SLC36A1: variants seen among roughly 807,000 people sequenced by gnomAD.
The protein encoded by SLC36A1 is solute carrier family 36 member 1.
In SLC36A1, 30 loss-of-function variants were observed where a neutral mutation model predicts 47.5. The observed-to-expected ratio is 0.63, with a 90% CI of 0.47 to 0.86. The LOEUF is 0.86. Among genes scored for constraint, SLC36A1 ranks in the 40% least tolerant of loss-of-function variants. The probability of loss-of-function intolerance (pLI) is 0.00; values close to 1 mark genes in which losing one functional copy is unlikely to be tolerated. For missense variants in SLC36A1, 517 were observed against 606.0 expected, an observed-to-expected ratio of 0.85 and a Z score of 1.54; for synonymous variants, 255 against 249.7, an observed-to-expected ratio of 1.02 and a Z score of -0.20.
chr5:151,514,180 A>G, the SLC36A1 span, among the ~76,000 whole-genome samples: 6 of 152,230 alleles, frequency 3.9e-5, no homozygotes, highest in Non-Finnish European at 8.8e-5. Context: ...AAAAGGAGAC[A>G]CTATTATTAG....
the SLC36A1 span, chr5:151,505,628 G>A: frequency 1.2e-6 from 2 of 1,614,122 alleles, no homozygotes; most frequent in Non-Finnish European, 1.7e-6. Context: ...CCTCATAGTT[G>A]GGGGGCACCC....
chr5:151,467,841 C>G lies in SLC36A1; in HGVS notation c.639C>G (p.Asn213Lys). ...TGGTGCTGCTGGTTTTCATCAGGAACCTCCGAGCCCTGTCCATCTTCTCCC... is the reference window on the plus strand; with the variant it reads ...TGGTGCTGCTGGTTTTCATCAGGAAGCTCCGAGCCCTGTCCATCTTCTCCC... The part of the protein sequence containing the change: ...PFLVLLVFIR[N>K]LRALSIFSLL... Residue 213 changes from asparagine (N) to lysine (K), a missense_variant, in exon 7 of 11, where the codon AAC becomes AAG. Asn to Lys is a moderately conservative substitution (Grantham distance 94, BLOSUM62 0). Coordinates refer to ENST00000243389, the MANE Select transcript of SLC36A1 (RefSeq NM_078483.4). The G allele has an allele frequency of 6.2e-7, 1 of 1,614,034 alleles. No individual in the cohort carries two copies. The highest frequency in any genetic ancestry group is 8.5e-7 in the Non-Finnish European group (1 of 1,179,992).
chr5:151,529,420 A>G, the SLC36A1 span: 96 of 1,606,272 alleles, frequency 6.0e-5, 1 homozygote, highest in Middle Eastern at 6.0e-4. Flanking sequence ...GACAGCAGCA[A>G]TGAGGCAGTT....
upstream of SLC36A1, among the ~76,000 whole-genome samples, chr5:151,442,912 G>A (rs961066070): frequency 6.6e-6 from 1 of 151,944 alleles, no homozygotes; most frequent in African/African-American, 2.4e-5. Flanking sequence ...TTCTTTCTGT[G>A]TCTGGCTTAT....
chr5:151,484,145 C>G (rs1759198748), intron 10 of SLC36A1, among the ~76,000 whole-genome samples: 1 of 152,192 alleles, frequency 6.6e-6, no homozygotes, highest in Admixed American at 6.5e-5. Flanking sequence ...CTCTCTGACT[C>G]CACTTAACTA....
At chr5:151,367,157 G>GA in the SLC36A1 span, among the ~76,000 whole-genome samples, 1 of 152,160 alleles carries the variant, frequency 6.6e-6, no homozygotes, top group Admixed American at 6.5e-5. Flanking sequence ...TGCACGTATT[G>GA]TCTTGATAAA....
At chr5:151,531,707 C>A in the SLC36A1 span, 1 of 1,613,840 alleles carries the variant, frequency 6.2e-7, no homozygotes, top group Non-Finnish European at 8.5e-7. The surrounding 1 kb of genome is among the most constrained non-coding windows in gnomAD (Gnocchi z 5.7). Flanking sequence ...CCAGGTGGGG[C>A]GTCCTCGGGC....
the SLC36A1 span, among the ~76,000 whole-genome samples, chr5:151,398,615 CTG>C: frequency 6.6e-6 from 1 of 152,200 alleles, no homozygotes; most frequent in Non-Finnish European, 1.5e-5. Context: ...TGTTCATGAT[CTG>C]TGATTCTGTG....
chr5:151,528,350 C>G, the SLC36A1 span, among the ~76,000 whole-genome samples: 1 of 152,164 alleles, frequency 6.6e-6, no homozygotes, highest in Admixed American at 6.5e-5. Context: ...CTCTTGCTAA[C>G]AGCATGCTAG....
At chr5:151,442,033 C>T (rs1292863817) in intron 1 of SLC36A1, among the ~76,000 whole-genome samples, 1 of 151,922 alleles carries the variant, frequency 6.6e-6, no homozygotes, top group Admixed American at 6.5e-5. Context: ...AAATATTTTC[C>T]TAATGTCTTT....
At chr5:151,352,325 A>G in the SLC36A1 span, among the ~76,000 whole-genome samples, 32 of 152,314 alleles carry the variant, frequency 2.1e-4, no homozygotes, top group South Asian at 6.2e-3. Context: ...AGCTCCATGA[A>G]AGTGGGAAGT....
chr5:151,441,067 T>C (rs138468511), intron 1 of SLC36A1, among the ~76,000 whole-genome samples: 74 of 152,308 alleles, frequency 4.9e-4, no homozygotes, highest in Non-Finnish European at 8.2e-4. Flanking sequence ...ACCCAGAATT[T>C]GCATTTCTGC....
chr5:151,554,519 A>T, the SLC36A1 span: 1 of 1,614,226 alleles, frequency 6.2e-7, no homozygotes, highest in Non-Finnish European at 8.5e-7. Context: ...CAGCCTGTAC[A>T]CAGGCCCAGG....
chr5:151,372,047 T>G, the SLC36A1 span, among the ~76,000 whole-genome samples: 1 of 152,210 alleles, frequency 6.6e-6, no homozygotes, highest in African/African-American at 2.4e-5. Context: ...TTTGGTGAAC[T>G]CCCATCTCTG....
the SLC36A1 span, among the ~76,000 whole-genome samples, chr5:151,418,244 G>A: frequency 6.6e-6 from 1 of 152,100 alleles, no homozygotes; most frequent in African/African-American, 2.4e-5. Context: ...GGTTGCAGCT[G>A]CCACACAGTT....
the SLC36A1 span, chr5:151,531,799 G>A: frequency 1.2e-6 from 2 of 1,613,190 alleles, no homozygotes; most frequent in African/African-American, 2.7e-5. This position sits in a 1 kb window ranked among gnomAD's most constrained non-coding sequence, Gnocchi z 5.7. Flanking sequence ...GGTGCCCAGC[G>A]TGGACAGCGG....
chr5:151,345,993 G>T, the SLC36A1 span, among the ~76,000 whole-genome samples: 2 of 152,220 alleles, frequency 1.3e-5, no homozygotes, highest in Admixed American at 6.5e-5. Flanking sequence ...AAGCAGCTAA[G>T]TGGGAATTCG....
chr5:151,435,211 A>G (rs1759696637), upstream of SLC36A1, among the ~76,000 whole-genome samples: 1 of 152,234 alleles, frequency 6.6e-6, no homozygotes. Context: ...AGTGTAAAAG[A>G]AATTTCAAAA....
chr5:151,502,399 T>G, the SLC36A1 span, among the ~76,000 whole-genome samples: 1 of 147,916 alleles, frequency 6.8e-6, no homozygotes, highest in Non-Finnish European at 1.5e-5. Flanking sequence ...CAAAGGCATA[T>G]CTGATAAAAT....
Sources: gnomAD v4.1 joint callset for allele counts (sites outside exome capture counted in the v4.1 genomes callset) on GRCh38, gnomAD v4.1.1 for gene constraint, Gnocchi (gnomAD v3.1) non-coding constraint, MANE v1.5 for transcripts, NCBI Gene and HGNC (gene_info 2026-07-23, HGNC 2026-07-21) for gene names.